The following USH2A variants were observed in gnomAD, a reference collection of about 807,000 sequenced individuals.
USH2A encodes the protein Usher syndrome 2A (autosomal recessive, mild).
In USH2A, 443 loss-of-function variants were observed where a neutral mutation model predicts 538.9. The ratio of observed to expected loss-of-function variants is 0.82; its 90% CI spans 0.76 to 0.89. The LOEUF (loss-of-function observed/expected upper bound fraction) is 0.89, where lower values mean the gene tolerates loss of function less well. USH2A is among the 40% of genes least tolerant of loss of function. USH2A has a pLI of 0.00. For synonymous variants in USH2A, 2,413 were observed against 2,273.5 expected, an observed-to-expected ratio of 1.06 and a Z score of -1.75; for missense variants, 6,633 against 6,324.8, an observed-to-expected ratio of 1.05 and a Z score of -1.65.
rs1235984412 is a variant in USH2A at position 216,190,490 on chromosome 1, G to A, written c.4252-123C>T. On this transcript the variant is annotated intron_variant, in intron 19 of 71. Transcript: ENST00000307340. Reference sequence around the variant, plus strand: ...AGGGAATTATTGCCAACCACCATTAGGAAAAGGGTTTTTTTTTTTTTTTCT... The same window carrying A: ...AGGGAATTATTGCCAACCACCATTAAGAAAAGGGTTTTTTTTTTTTTTTCT... The A allele has an allele frequency of 1.6e-5, 21 of 1,289,162 alleles. No homozygotes were observed. The East Asian group carries it at 5.5e-4, about 33-fold the overall frequency. 79.9% of individuals were successfully genotyped at this position (1,289,162 alleles called of 1,614,324 possible).
At chr1:216,027,660 T>G (rs1416002471) in intron 32 of USH2A, among the ~76,000 whole-genome samples, 1 of 152,190 alleles carries the variant, frequency 6.6e-6, no homozygotes, top group Non-Finnish European at 1.5e-5. Context: ...AGACCTATAA[T>G]TTCCACTTTT....
At position 215,935,084 on chromosome 1, in the gene USH2A, A is replaced by C. The variant is rs541408185; in HGVS notation, c.7121-289T>G. On this transcript the variant is annotated intron_variant, in intron 37 of 71. Coordinates refer to ENST00000307340, the MANE Select transcript of USH2A (RefSeq NM_206933.4). ...AGGATAAAGCCATATCACAAGTATC[A>C]AGCATATAAGTAAAAGTATTGCACA... Among the ~76,000 whole-genome samples the C allele has an allele frequency of 4.6e-4, 70 of 152,198 alleles. 5 individuals are homozygous for C. The South Asian group carries it at 0.014, about 31-fold the overall frequency.
intron 14 of USH2A, among the ~76,000 whole-genome samples, chr1:216,218,682 A>G (rs2035392077): frequency 6.6e-6 from 1 of 152,018 alleles, no homozygotes; most frequent in Admixed American, 6.6e-5. Flanking sequence ...TTTTCTTGAA[A>G]ACCACTGTAC....
chr1:216,305,747 T>G (rs1006990593), intron 9 of USH2A, among the ~76,000 whole-genome samples: 2 of 152,164 alleles, frequency 1.3e-5, no homozygotes, highest in Non-Finnish European at 2.9e-5. Flanking sequence ...GGAAAAAGAC[T>G]GTATTTTTCC....
intron 14 of USH2A, among the ~76,000 whole-genome samples, chr1:216,218,419 A>T (rs1298920459): frequency 6.6e-6 from 1 of 152,148 alleles, no homozygotes; most frequent in East Asian, 1.9e-4. Flanking sequence ...CAGCACATGT[A>T]AGAAGACCAC....
chr1:216,018,318 G>A lies in USH2A; in HGVS notation c.6326-17756C>T, dbSNP rs578202672. Among the ~76,000 whole-genome samples the A allele has an allele frequency of 5.3e-4, 81 of 152,230 alleles. 2 individuals are homozygous for A. In the South Asian group the frequency reaches 1.0e-2, roughly 19 times the overall value. ...AAGGGGCACATTCAAGAATAAGAAC[G>A]CAGCTAGTGGCTAAACACAGACCAA... On this transcript the variant is annotated intron_variant, in intron 32 of 71. Transcript: ENST00000307340.
chr1:216,177,319 A>G (rs899933816), intron 20 of USH2A, among the ~76,000 whole-genome samples: 2 of 152,140 alleles, frequency 1.3e-5, no homozygotes, highest in Non-Finnish European at 2.9e-5. Context: ...ATGATATAGA[A>G]CATTTTTCAT....
chr1:216,177,944 A>G (rs79531293), intron 20 of USH2A, among the ~76,000 whole-genome samples: 2,372 of 152,266 alleles, frequency 0.016, 68 homozygotes, highest in African/African-American at 0.055. Flanking sequence ...TGGACTTTCA[A>G]TTTACACCTG....
chr1:216,098,720 C>T (rs919246223), intron 21 of USH2A, among the ~76,000 whole-genome samples: 1 of 152,096 alleles, frequency 6.6e-6, no homozygotes, highest in African/African-American at 2.4e-5. Flanking sequence ...CCATAACTGA[C>T]ATTGAGTTCT....
chr1:215,803,035 A>G (rs1169663950), intron 49 of USH2A, among the ~76,000 whole-genome samples: 1 of 152,194 alleles, frequency 6.6e-6, no homozygotes, highest in East Asian at 1.9e-4. Flanking sequence ...CAAAAACCAC[A>G]TGATTATGTC....
intron 40 of USH2A, among the ~76,000 whole-genome samples, chr1:215,889,936 C>A (rs539367956): frequency 6.6e-6 from 1 of 152,072 alleles, no homozygotes; most frequent in Non-Finnish European, 1.5e-5. Flanking sequence ...TACTGGGCTG[C>A]GTTAAATTCT....
rs989150926 is a variant in USH2A at position 215,753,318 on chromosome 1, C to T, written c.11389+5277G>A. On this transcript the variant is annotated intron_variant, in intron 58 of 71. Transcript: ENST00000307340. Reference sequence around the variant, plus strand: ...CAGCCATCCCATTACTGGGTATATACCCAAAGGATTATAAATCATGCTGCT... The same window carrying T: ...CAGCCATCCCATTACTGGGTATATATCCAAAGGATTATAAATCATGCTGCT... Among the ~76,000 whole-genome samples, 6 of 152,140 alleles carry T rather than the reference C, an allele frequency of 3.9e-5. 1 individual carries two copies. The highest frequency in any genetic ancestry group is 7.4e-5 in the Non-Finnish European group (5 of 68,014).
At chr1:215,716,251 G>A (rs533836676) in intron 61 of USH2A, among the ~76,000 whole-genome samples, 5 of 152,362 alleles carry the variant, frequency 3.3e-5, no homozygotes, top group African/African-American at 9.6e-5. Context: ...ATCAAACTGA[G>A]CCCAATTAAT....
At chr1:215,951,752 T>C (rs1666921376) in intron 37 of USH2A, among the ~76,000 whole-genome samples, 1 of 152,222 alleles carries the variant, frequency 6.6e-6, no homozygotes, top group Non-Finnish European at 1.5e-5. Flanking sequence ...ATTGGGTGCA[T>C]ATATATGTAG....
chr1:216,157,805 G>T (rs1426007951), intron 21 of USH2A, among the ~76,000 whole-genome samples: 1 of 152,152 alleles, frequency 6.6e-6, no homozygotes. Context: ...GACACTGGAA[G>T]GGAGGGAGGG....
intron 38 of USH2A, among the ~76,000 whole-genome samples, chr1:215,928,731 C>T (rs564511864): frequency 6.6e-6 from 1 of 152,136 alleles, no homozygotes; most frequent in South Asian, 2.1e-4. Context: ...CCAGGAGAAC[C>T]ATGCTGACAA....
chr1:216,207,619 A>G (rs945799881), intron 15 of USH2A, among the ~76,000 whole-genome samples, 188 bp from the exon 16 acceptor site: 2 of 152,164 alleles, frequency 1.3e-5, no homozygotes, highest in Non-Finnish European at 2.9e-5. Context: ...TTTATCTATA[A>G]GCATAAAAAA....
intron 50 of USH2A, among the ~76,000 whole-genome samples, chr1:215,798,646 A>G (rs1374933927): frequency 1.3e-5 from 2 of 152,148 alleles, no homozygotes; most frequent in African/African-American, 4.8e-5. Flanking sequence ...TAACCAATGC[A>G]TTCATGTGTG....
rs2102783704 is a variant in USH2A at position 216,418,517 on chromosome 1, C to A, written c.648G>T (p.Val216=). The A allele has an allele frequency of 3.1e-6, 5 of 1,612,844 alleles. No homozygotes were observed. The South Asian group carries it at 4.4e-5, about 14-fold the overall frequency. ...ILVKKWIHLS[V]QVHQTKISFF... ...AAATATTTTTTATTTTACTCACCTG[C>A]ACACTAAGATGAATCCATTTCTTCA... The change falls in exon 3 of 72, where the codon GTG becomes GTT. Residue 216 remains valine, a synonymous_variant. Transcript: ENST00000307340.
Sources: allele counts gnomAD v4.1 joint callset (sites outside exome capture counted in the v4.1 genomes callset), GRCh38; gene constraint gnomAD v4.1.1; transcripts MANE v1.5; gene names NCBI Gene and HGNC (gene_info 2026-07-23, HGNC 2026-07-21).